Variants in ARFIP1 observed in about 807,000 individuals in gnomAD.
ARFIP1 encodes the protein ARF interacting protein 1.
In ARFIP1, 24 loss-of-function variants were observed where a neutral mutation model predicts 42.5. The ratio of observed to expected loss-of-function variants is 0.57; its 90% CI spans 0.41 to 0.80. The LOEUF (loss-of-function observed/expected upper bound fraction) is 0.80. ARFIP1 is among the 30% of genes least tolerant of loss of function. The pLI is 0.00. For missense variants in ARFIP1, 354 were observed against 434.0 expected (o/e 0.82, Z 1.64); for synonymous variants, 141 against 153.7 (o/e 0.92, Z 0.61).
chr4:152,805,009 G>A (rs1045776671), intron 1 of ARFIP1, among the ~76,000 whole-genome samples: 7 of 152,184 alleles, frequency 4.6e-5, no homozygotes, highest in Non-Finnish European at 1.0e-4. Context: ...AATGATTTAT[G>A]TAATGTGCTT....
rs565973216 is a variant in ARFIP1 at position 152,857,994 on chromosome 4, C to T, written c.94-5612C>T. Among the ~76,000 whole-genome samples the T allele has an allele frequency of 4.9e-4, 74 of 152,216 alleles. No homozygotes were observed. The South Asian group carries it at 0.015, about 31-fold the overall frequency. Reference sequence around the variant, plus strand: ...GTGGTCATTAGATGTTGATTCAATACATAAGTAAATAAATAAGCCACCCCT... The same window carrying T: ...GTGGTCATTAGATGTTGATTCAATATATAAGTAAATAAATAAGCCACCCCT... On this transcript the variant is annotated intron_variant, in intron 2 of 8. Transcript: ENST00000353617.
intron 1 of ARFIP1, among the ~76,000 whole-genome samples, chr4:152,787,282 C>T (rs1321300202): frequency 6.6e-6 from 1 of 152,094 alleles, no homozygotes; most frequent in East Asian, 1.9e-4. Context: ...TTGAACATTC[C>T]TAATCCAAAA....
chr4:152,844,145 C>G (rs1002165338), intron 2 of ARFIP1, among the ~76,000 whole-genome samples: 2 of 152,182 alleles, frequency 1.3e-5, no homozygotes, highest in African/African-American at 4.8e-5. Context: ...CTTGACTCAG[C>G]TTTAGGTAAA....
chr4:152,866,143 C>G (rs1442727623), intron 3 of ARFIP1, among the ~76,000 whole-genome samples: 2 of 152,064 alleles, frequency 1.3e-5, no homozygotes, highest in African/African-American at 4.8e-5. Flanking sequence ...CCATTTAACC[C>G]TGAGTGGACA....
chr4:152,852,631 C>CAA (rs757932170), intron 2 of ARFIP1, among the ~76,000 whole-genome samples: 3 of 109,052 alleles, frequency 2.8e-5, no homozygotes, highest in Non-Finnish European at 3.9e-5. Flanking sequence ...GACTCCGTCT[C>CAA]AAAAAAAAAA....
At chr4:152,808,282 C>CTTTTTTTTTTTTTT (rs1729145464) in intron 1 of ARFIP1, among the ~76,000 whole-genome samples, 1 of 15,542 alleles carries the variant, frequency 6.4e-5, no homozygotes, top group Non-Finnish European at 1.6e-4. Flanking sequence ...GCCTGGCCTC[C>CTTTTTTTTTTTTTT]ATTTTTTTTT....
At chr4:152,805,421 A>G (rs542407838) in intron 1 of ARFIP1, among the ~76,000 whole-genome samples, 5 of 152,350 alleles carry the variant, frequency 3.3e-5, no homozygotes, top group East Asian at 1.9e-4. Flanking sequence ...CAGTGGTCCA[A>G]TGACGGCATC....
intron 2 of ARFIP1, among the ~76,000 whole-genome samples, chr4:152,860,720 A>G (rs924422861): frequency 1.6e-4 from 25 of 152,232 alleles, no homozygotes; most frequent in Non-Finnish European, 1.5e-5. Context: ...ATTTATTTCC[A>G]ATAATAAATT....
At chr4:152,870,892 G>C (rs762565762) in intron 4 of ARFIP1, 44 bp downstream of exon 4, 1 of 1,473,774 alleles carries the variant, frequency 6.8e-7, no homozygotes, top group East Asian at 2.3e-5. Context: ...TGCTACTGCT[G>C]AAGCTACACT....
chr4:152,842,578 C>G (rs935174941), intron 2 of ARFIP1, among the ~76,000 whole-genome samples: 8 of 152,068 alleles, frequency 5.3e-5, no homozygotes, highest in African/African-American at 1.9e-4. Context: ...TAACATAATC[C>G]CAGACTTCTT....
At chr4:152,880,187 C>CA (rs1439513903) in intron 5 of ARFIP1, among the ~76,000 whole-genome samples, 1 of 151,828 alleles carries the variant, frequency 6.6e-6, no homozygotes, top group African/African-American at 2.4e-5. Context: ...ACTAAAAATA[C>CA]AAAAAATTAG....
rs752179422 is a variant in ARFIP1 at position 152,910,139 on chromosome 4, C to G, written c.1042C>G (p.Leu348Val). 1.2e-6 allele frequency: 2 copies of G among 1,614,070 alleles called. No individual in the cohort carries two copies. The highest frequency in any genetic ancestry group is 2.7e-5 in the African/African-American group (2 of 74,938). Residue 348 changes from leucine (L) to valine (V), a missense_variant, in exon 9 of 9, where the codon CTT becomes GTT. Physicochemically the swap from Leu to Val is conservative, Grantham distance 32. Transcript: ENST00000353617. ...AAYFAGNQKQ[L>V]EQTLKQFHIK... is the part of the protein sequence containing the mutation. Reference sequence around the variant, plus strand: ...TTACTTTGCTGGGAATCAGAAGCAGCTTGAACAGACACTTAAACAGTTCCA... The same window carrying G: ...TTACTTTGCTGGGAATCAGAAGCAGGTTGAACAGACACTTAAACAGTTCCA...
At chr4:152,896,309 T>G (rs1039536726) in intron 8 of ARFIP1, among the ~76,000 whole-genome samples, 1 of 152,186 alleles carries the variant, frequency 6.6e-6, no homozygotes, top group Admixed American at 6.5e-5. Flanking sequence ...AGGTTATTCA[T>G]TGCAGCATCA....
intron 5 of ARFIP1, among the ~76,000 whole-genome samples, chr4:152,875,378 T>TAAAAAAA (rs11302481): frequency 1.0e-5 from 1 of 100,162 alleles, no homozygotes; most frequent in Non-Finnish European, 2.2e-5. Context: ...TCTTTTTTTA[T>TAAAAAAA]AAAAAAAAAA....
rs551934423 is a variant in ARFIP1, at chr4:152,779,971, C to T, written c.-265C>T. 1 of 152,690 alleles carries T rather than the reference C, an allele frequency of 6.5e-6. No homozygotes were observed. Among genetic ancestry groups the T allele is most frequent in the South Asian group, 2.1e-4 (1 of 4,834 alleles). The allele number at this position is 152,690 out of a possible 1,614,324, so 9.5% of individuals were successfully genotyped here. A position where few individuals can be genotyped will look rare whatever the true frequency, so the allele number is the denominator to read the frequency against. On this transcript the variant is annotated 5_prime_UTR_variant, in exon 1 of 9. Transcript: ENST00000353617. ...CTTCCGGTCTCCTCACTTCCGGCTT[C>T]GCTGCTCTTGGTTCTGGTTCTGGAG...
chr4:152,888,881 C>T (rs762801808), intron 8 of ARFIP1, among the ~76,000 whole-genome samples: 24 of 152,102 alleles, frequency 1.6e-4, no homozygotes, highest in Non-Finnish European at 2.9e-4. Flanking sequence ...CTAATAGGCT[C>T]CTGTGTTTTG....
intron 5 of ARFIP1, among the ~76,000 whole-genome samples, chr4:152,878,844 A>G (rs2149889901): frequency 6.6e-6 from 1 of 152,358 alleles, no homozygotes; most frequent in African/African-American, 2.4e-5. Context: ...TATTATATCT[A>G]GGCTGTTGTG....
intron 1 of ARFIP1, among the ~76,000 whole-genome samples, chr4:152,804,996 T>A (rs373713682): frequency 1.3e-5 from 2 of 152,208 alleles, no homozygotes; most frequent in Non-Finnish European, 2.9e-5. Context: ...GAAGGCTGAA[T>A]GAAATGATTT....
At chr4:152,886,519 T>C (rs895096901) in intron 7 of ARFIP1, among the ~76,000 whole-genome samples, 1 of 152,042 alleles carries the variant, frequency 6.6e-6, no homozygotes, top group Non-Finnish European at 1.5e-5. Context: ...AGTATCCTAC[T>C]GATTTCTGTA....
Sources: allele counts gnomAD v4.1 joint callset (sites outside exome capture counted in the v4.1 genomes callset), GRCh38; gene constraint gnomAD v4.1.1; transcripts MANE v1.5; gene names NCBI Gene and HGNC (gene_info 2026-07-23, HGNC 2026-07-21).